The following CABLES2 variants were observed in gnomAD, a reference collection of about 807,000 sequenced individuals.
The protein encoded by CABLES2 is CDK5 and ABL1 enzyme substrate 2.
A neutral mutation model predicts 44.8 loss-of-function variants in CABLES2; 35 were observed. The observed-to-expected ratio is 0.78, with a 90% CI of 0.60 to 1.04. The LOEUF (loss-of-function observed/expected upper bound fraction) is 1.04. CABLES2 is among the 50% of genes least tolerant of loss of function. The pLI is 0.00. For missense variants in CABLES2, 566 were observed against 615.7 expected, an observed-to-expected ratio of 0.92 and a Z score of 0.85; for synonymous variants, 282 against 281.1, an observed-to-expected ratio of 1.00 and a Z score of -0.03.
chr20:62,397,945 TGAC>T (rs1294074954), intron 1 of CABLES2, among the ~76,000 whole-genome samples: 323 of 12,258 alleles, frequency 0.026, no homozygotes, highest in African/African-American at 0.068. Context: ...GTGATGGTGG[TGAC>T]GGTAGTGGTG....
chr20:62,398,216 A>ATGTGG (rs1988112271), intron 1 of CABLES2, among the ~76,000 whole-genome samples: 3 of 32,066 alleles, frequency 9.4e-5, no homozygotes, highest in African/African-American at 3.0e-4. Flanking sequence ...TGGTGATGTG[A>ATGTGG]TGGTGGTGGT....
intron 1 of CABLES2, among the ~76,000 whole-genome samples, chr20:62,397,995 A>G (rs368573675): frequency 0.01 from 571 of 57,056 alleles, 12 homozygotes; most frequent in Middle Eastern, 0.017. Flanking sequence ...GGTGGTGGTG[A>G]TGATGGTGAT....
chr20:62,398,076 G>GGCGA (rs1420152344), intron 1 of CABLES2, among the ~76,000 whole-genome samples: 1 of 38,988 alleles, frequency 2.6e-5, no homozygotes, highest in South Asian at 1.1e-3. Context: ...GGTGACGGTG[G>GGCGA]TGGTGGTGGT....
Position 62,396,232 on chromosome 20 carries a change from A to C in CABLES2, c.527+83T>G. 1 of 1,175,700 alleles carries C rather than the reference A, an allele frequency of 8.5e-7. No homozygotes were observed. 72.8% of individuals were successfully genotyped at this position (1,175,700 alleles called of 1,614,324 possible). ...GGGCGGGAGCTTTGGGAGTGGAGGG[A>C]AGATTGCTTGGCTGACAGGGGCAGG... On this transcript the variant is annotated intron_variant, in intron 3 of 9. Coordinates refer to ENST00000279101, the MANE Select transcript of CABLES2 (RefSeq NM_031215.3). This position sits in a 1 kb window ranked among gnomAD's most constrained non-coding sequence, Gnocchi z 5.7.
rs1987937769 is a variant in CABLES2, at chr20:62,392,496, C to A, written c.985-1G>T. 6.2e-7 allele frequency: 1 copy of A among 1,612,298 alleles called. No individual in the cohort carries two copies. Among genetic ancestry groups the A allele is most frequent in the Non-Finnish European group, 8.5e-7 (1 of 1,178,342 alleles). ...GCTTCACGTATTCTATCACTGTGGT[C>A]TGCAACAGAGAGTGGGCAGGGTTGG... On this transcript the variant is annotated splice_acceptor_variant, in intron 7 of 9. Coordinates refer to ENST00000279101, the MANE Select transcript of CABLES2 (RefSeq NM_031215.3). LOFTEE classifies it high-confidence loss of function.
intron 1 of CABLES2, among the ~76,000 whole-genome samples, chr20:62,400,460 T>C (rs1337129719): frequency 6.6e-6 from 1 of 152,106 alleles, no homozygotes; most frequent in Admixed American, 6.5e-5. Flanking sequence ...CAGCGGAGGC[T>C]GGATGGGCAG....
chr20:62,405,540 T>C (rs1476678760), intron 1 of CABLES2: 1 of 152,116 alleles, frequency 6.6e-6, no homozygotes, highest in East Asian at 1.9e-4. Flanking sequence ...AAGGATGGAG[T>C]GCACCGCGAC....
In CABLES2 at chr20:62,388,914, T is replaced by C. The variant is rs532849949; in HGVS notation, c.*2057A>G. On this transcript the variant is annotated 3_prime_UTR_variant, in exon 10 of 10. Transcript: ENST00000279101. ...GCAATAATCCTCGAATACCACACAG[T>C]GGCAGCTTTTGGCATCATAAAAATG... 2.0e-4 allele frequency: 36 copies of C among 181,970 alleles called. No individual in the cohort carries two copies. Among genetic ancestry groups the C allele is most frequent in the Non-Finnish European group, 3.4e-4 (29 of 85,822 alleles). 11.3% of individuals were successfully genotyped at this position (181,970 alleles called of 1,614,324 possible). A position where few individuals can be genotyped will look rare whatever the true frequency, so the allele number is the denominator to read the frequency against.
At position 62,388,687 on chromosome 20, in the gene CABLES2, C is replaced by T; in HGVS notation, c.*2284G>A. On this transcript the variant is annotated 3_prime_UTR_variant, in exon 10 of 10. Coordinates refer to ENST00000279101, the MANE Select transcript of CABLES2 (RefSeq NM_031215.3). ...ACATTATCCATTTAAAAACAGATATCTAAGACAAAATAACTCAAACATTCT... is the reference window on the plus strand; with the variant it reads ...ACATTATCCATTTAAAAACAGATATTTAAGACAAAATAACTCAAACATTCT... 1.7e-6 allele frequency: 1 copy of T among 591,762 alleles called. No individual in the cohort carries two copies. The highest frequency in any genetic ancestry group is 3.0e-6 in the Non-Finnish European group (1 of 335,542). The allele number at this position is 591,762 out of a possible 1,614,324, so 36.7% of individuals were successfully genotyped here. A position where few individuals can be genotyped will look rare whatever the true frequency, so the allele number is the denominator to read the frequency against.
chr20:62,400,576 G>T (rs1231603907), intron 1 of CABLES2, among the ~76,000 whole-genome samples: 1 of 152,208 alleles, frequency 6.6e-6, no homozygotes, highest in Non-Finnish European at 1.5e-5. Flanking sequence ...AGGCCCTGAG[G>T]ACCAGCCTGT....
Position 62,392,371 on chromosome 20 carries a change from C to T in CABLES2, c.1091+18G>A, listed in dbSNP as rs368926023. The stretch of plus-strand genomic sequence containing the variant: ...GGGCCTCCCAGGACGATGAGATGGT[C>T]TGAGAGGGTGTCCTCACCTCCTGAT... On this transcript the variant is annotated intron_variant, in intron 8 of 9. Transcript: ENST00000279101. The T allele has an allele frequency of 6.3e-7, 1 of 1,580,624 alleles. No individual in the cohort carries two copies. Among genetic ancestry groups the T allele is most frequent in the East Asian group, 2.2e-5 (1 of 44,724 alleles).
rs1569017439 is a variant in CABLES2, at chr20:62,398,058, A to ATGGTGGTGATGGTGGTGG, written c.363-1467_363-1466insCCACCACCATCACCACCA. ...AGTGATGGTGATGGTGGTGATGGCG[A>ATGGTGGTGATGGTGGTGG]TGGTGGTGGTGACGGTGGTGGTGGT... On this transcript the variant is annotated intron_variant, in intron 1 of 9. Coordinates refer to ENST00000279101, the MANE Select transcript of CABLES2 (RefSeq NM_031215.3). Among the ~76,000 whole-genome samples, 290 of 77,242 alleles carry ATGGTGGTGATGGTGGTGG rather than the reference A, an allele frequency of 3.8e-3. 4 individuals are homozygous for ATGGTGGTGATGGTGGTGG. Among genetic ancestry groups the ATGGTGGTGATGGTGGTGG allele is most frequent in the Non-Finnish European group, 5.7e-3 (228 of 40,260 alleles). 50.7% of individuals were successfully genotyped at this position (77,242 alleles called of 152,430 possible). A position where few individuals can be genotyped will look rare whatever the true frequency, so the allele number is the denominator to read the frequency against.
Position 62,396,182 on chromosome 20 carries a change from C to T in CABLES2, c.527+133G>A, listed in dbSNP as rs529612924. The T allele has an allele frequency of 5.2e-6, 4 of 771,110 alleles. No individual in the cohort carries two copies. The South Asian group carries it at 6.1e-5, about 12-fold the overall frequency. The allele number at this position is 771,110 out of a possible 1,614,324, so 47.8% of individuals were successfully genotyped here. A position where few individuals can be genotyped will look rare whatever the true frequency, so the allele number is the denominator to read the frequency against. On this transcript the variant is annotated intron_variant, in intron 3 of 9. Coordinates refer to ENST00000279101, the MANE Select transcript of CABLES2 (RefSeq NM_031215.3). This position sits in a 1 kb window ranked among gnomAD's most constrained non-coding sequence, Gnocchi z 5.7. ...GCAGTGTGGTGGGGAGGAGGGCCCA[C>T]CTCTAGAGGTGTGGAGTGTGGGGTG...
chr20:62,399,931 T>C (rs117446812), intron 1 of CABLES2, among the ~76,000 whole-genome samples: 5,959 of 152,294 alleles, frequency 0.039, 159 homozygotes, highest in Non-Finnish European at 0.059. Context: ...TGTTGGATAC[T>C]GTACTGAAAG....
Position 62,391,439 on chromosome 20 carries a change from A to G in CABLES2, c.1106T>C (p.Met369Thr), listed in dbSNP as rs778553140. The change falls in exon 9 of 10, where the codon ATG becomes ACG. Residue 369 changes from methionine to threonine, a missense_variant. By Grantham distance (81) the Met-to-Thr change is moderately conservative. This residue lies in a region of CABLES2 where 436 missense variants were observed against 536.3 expected (regional missense o/e 0.81). Transcript: ENST00000279101. This position sits in a 1 kb window ranked among gnomAD's most constrained non-coding sequence, Gnocchi z 5.7. ...GCTGCACTCCTCCGACAGGCTCCGC[A>G]TCTCCCGCTTTAAGCTGTGGGTTAA... The part of the protein sequence containing the change: ...LSKIRSLKRE[M>T]RSLSEECSLE... The G allele has an allele frequency of 4.3e-6, 7 of 1,613,050 alleles. No homozygotes were observed. Among genetic ancestry groups the G allele is most frequent in the Non-Finnish European group, 5.9e-6 (7 of 1,179,970 alleles).
At position 62,391,593 on chromosome 20, in the gene CABLES2, C is replaced by CGGCGGAGGGTA; in HGVS notation, c.1092-141_1092-140insTACCCTCCGCC. The CGGCGGAGGGTA allele has an allele frequency of 1.2e-6, 1 of 851,406 alleles. No individual in the cohort carries two copies. The highest frequency in any genetic ancestry group is 1.9e-6 in the Non-Finnish European group (1 of 529,608). The allele number at this position is 851,406 out of a possible 1,614,324, so 52.7% of individuals were successfully genotyped here. On this transcript the variant is annotated intron_variant, in intron 8 of 9. Transcript: ENST00000279101. The surrounding 1 kb of genome is among the most constrained non-coding windows in gnomAD (Gnocchi z 5.7). ...CCACCGCATCCTTCAGGGGATGGTA[C>CGGCGGAGGGTA]CCTCCGCCGTACCATGTATAACGCC...
rs985579333 is a variant in CABLES2, at chr20:62,391,170, C to T, written c.1297-59G>A. 24 of 1,604,768 alleles carry T rather than the reference C, an allele frequency of 1.5e-5. No homozygotes were observed. In the African/African-American group the frequency reaches 1.7e-4, roughly 12 times the overall value. On this transcript the variant is annotated intron_variant, in intron 9 of 9. Transcript: ENST00000279101. This position sits in a 1 kb window ranked among gnomAD's most constrained non-coding sequence, Gnocchi z 5.7. The stretch of plus-strand genomic sequence containing the variant: ...GCCTTCCCTCTTCCACATTTCCCAC[C>T]CGGCCAGCCCCATCCCAGCAGTGGC...
rs549110328 is a variant in CABLES2, at chr20:62,391,172, G to A, written c.1297-61C>T. On this transcript the variant is annotated intron_variant, in intron 9 of 9. Transcript: ENST00000279101. This position sits in a 1 kb window ranked among gnomAD's most constrained non-coding sequence, Gnocchi z 5.7. Reference sequence around the variant, plus strand: ...CTTCCCTCTTCCACATTTCCCACCCGGCCAGCCCCATCCCAGCAGTGGCCC... The same window carrying A: ...CTTCCCTCTTCCACATTTCCCACCCAGCCAGCCCCATCCCAGCAGTGGCCC... 21 of 1,604,868 alleles carry A rather than the reference G, an allele frequency of 1.3e-5. No homozygotes were observed. In the East Asian group the frequency reaches 3.1e-4, roughly 24 times the overall value.
intron 1 of CABLES2, among the ~76,000 whole-genome samples, chr20:62,398,071 CGGTGGTGGTGGTGGTGACGGTGGTGGT>C (rs1438634225): frequency 2.9e-5 from 2 of 68,234 alleles, no homozygotes; most frequent in Non-Finnish European, 5.4e-5. Context: ...GTGGTGGTGA[CGGTGGTGGTGGTGGTGACGGTGGTGGT>C]GGTGGTGATG....
Sources: gnomAD v4.1 joint callset for allele counts (sites outside exome capture counted in the v4.1 genomes callset) on GRCh38, gnomAD v4.1.1 for gene constraint, gnomAD v4.1.1 regional missense constraint, Gnocchi (gnomAD v3.1) non-coding constraint, MANE v1.5 for transcripts, NCBI Gene and HGNC (gene_info 2026-07-23, HGNC 2026-07-21) for gene names.